Variants in ZDHHC2 observed in about 807,000 individuals in gnomAD.
The protein encoded by ZDHHC2 is zDHHC palmitoyltransferase 2.
Under a neutral mutation model 55.6 loss-of-function variants are expected in ZDHHC2, and 51 were observed. The observed-to-expected ratio is 0.92, with a 90% CI of 0.73 to 1.16. The LOEUF (loss-of-function observed/expected upper bound fraction) is 1.16. Among genes scored for constraint, ZDHHC2 ranks in the 50% most tolerant of loss-of-function variants. The probability of loss-of-function intolerance (pLI) is 0.00; values close to 1 mark genes in which losing one functional copy is unlikely to be tolerated. For synonymous variants in ZDHHC2, 199 were observed against 152.9 expected, an observed-to-expected ratio of 1.30 and a Z score of -2.22; for missense variants, 491 against 442.4, an observed-to-expected ratio of 1.11 and a Z score of -0.99.
intron 11 of ZDHHC2, among the ~76,000 whole-genome samples, chr8:17,216,244 G>A (rs190908454): frequency 1.7e-4 from 26 of 152,278 alleles, no homozygotes; most frequent in East Asian, 3.9e-4. Flanking sequence ...CAGGTAGTAC[G>A]AGAGTTTGAA....
chr8:17,185,351 T>C (rs1805655081), intron 2 of ZDHHC2, among the ~76,000 whole-genome samples: 1 of 152,134 alleles, frequency 6.6e-6, no homozygotes, highest in East Asian at 1.9e-4. Context: ...TATCACCATA[T>C]AGAAAATTAA....
At chr8:17,163,845 A>G (rs542667381) in intron 1 of ZDHHC2, among the ~76,000 whole-genome samples, 85 of 152,356 alleles carry the variant, frequency 5.6e-4, no homozygotes, top group African/African-American at 2.0e-3. Context: ...CTGTTATTAC[A>G]TATTACCATT....
intron 8 of ZDHHC2, among the ~76,000 whole-genome samples, chr8:17,208,817 G>A (rs1451151276): frequency 6.6e-6 from 1 of 152,036 alleles, no homozygotes; most frequent in African/African-American, 2.4e-5. Context: ...CAAATTTATT[G>A]TTTCTAGAGG....
chr8:17,164,109 G>T (rs1325358346), intron 1 of ZDHHC2, among the ~76,000 whole-genome samples: 11 of 152,138 alleles, frequency 7.2e-5, no homozygotes, highest in Admixed American at 7.2e-4. Context: ...AAAGAAACCA[G>T]ACATGATTGC....
chr8:17,191,596 T>C (rs982130495), intron 3 of ZDHHC2, among the ~76,000 whole-genome samples: 9 of 152,374 alleles, frequency 5.9e-5, no homozygotes, highest in Admixed American at 2.0e-4. Context: ...CTTATTTTAC[T>C]TAACATAATG....
chr8:17,217,240 T>C lies in ZDHHC2; in HGVS notation c.*28T>C, dbSNP rs760286888. On this transcript the variant is annotated 3_prime_UTR_variant, in exon 12 of 13. Transcript: ENST00000262096. ...CTTCAAGCAAGATAAATTCATACTT[T>C]ATAAAAGTACGATAATTTTCCCTTT... is the stretch of plus-strand genomic sequence containing the variant. The C allele has an allele frequency of 3.1e-6, 5 of 1,597,156 alleles. No individual in the cohort carries two copies. The Admixed American group carries it at 6.9e-5, about 22-fold the overall frequency.
At chr8:17,157,391 T>A (rs1014983411) in intron 1 of ZDHHC2, 1 of 152,810 alleles carries the variant, frequency 6.5e-6, no homozygotes, top group East Asian at 1.9e-4. Context: ...TTGGACACTT[T>A]TCTAGTTTAA....
intron 10 of ZDHHC2, among the ~76,000 whole-genome samples, chr8:17,213,682 G>C (rs1455322852): frequency 6.6e-6 from 1 of 152,132 alleles, no homozygotes; most frequent in Non-Finnish European, 1.5e-5. Flanking sequence ...TTATTAAAGT[G>C]ACAGGTGCTC....
chr8:17,184,944 C>G (rs1283498792), intron 2 of ZDHHC2, 129 bp downstream of exon 2: 5 of 760,674 alleles, frequency 6.6e-6, no homozygotes, highest in Admixed American at 3.1e-5. Flanking sequence ...TTAAAGATGT[C>G]TCATTTCTCT....
intron 6 of ZDHHC2, among the ~76,000 whole-genome samples, chr8:17,199,122 G>C (rs1435232737): frequency 6.6e-6 from 1 of 152,180 alleles, no homozygotes; most frequent in Non-Finnish European, 1.5e-5. Flanking sequence ...TGGCTCTACA[G>C]AAAGGTAGAC....
At chr8:17,162,619 G>A (rs1449300397) in intron 1 of ZDHHC2, among the ~76,000 whole-genome samples, 1 of 152,134 alleles carries the variant, frequency 6.6e-6, no homozygotes, top group African/African-American at 2.4e-5. Context: ...TCCCGCCACA[G>A]AAATGATTTA....
chr8:17,173,681 TAAAAAA>T (rs58195776), intron 1 of ZDHHC2, among the ~76,000 whole-genome samples: 4 of 143,404 alleles, frequency 2.8e-5, no homozygotes, highest in Middle Eastern at 7.1e-3. Context: ...GACCCTGTCT[TAAAAAA>T]AAAAAGAAAG....
chr8:17,163,056 C>G (rs1432155644), intron 1 of ZDHHC2, among the ~76,000 whole-genome samples: 1 of 152,256 alleles, frequency 6.6e-6, no homozygotes, highest in Non-Finnish European at 1.5e-5. Context: ...CACTTTTACT[C>G]TGTCCAGGGC....
At chr8:17,195,251 T>C (rs1364891028) in intron 3 of ZDHHC2, among the ~76,000 whole-genome samples, 1 of 152,180 alleles carries the variant, frequency 6.6e-6, no homozygotes, top group Non-Finnish European at 1.5e-5. Flanking sequence ...TCTGTTCCTT[T>C]TGAGTTACAC....
chr8:17,189,127 G>GTTTTTTTTTTTT (rs33942303), intron 3 of ZDHHC2, among the ~76,000 whole-genome samples: 2 of 83,766 alleles, frequency 2.4e-5, no homozygotes. Flanking sequence ...GTTTTGTTAT[G>GTTTTTTTTTTTT]TTTTTTTTTT....
At chr8:17,220,150 C>T (rs1269922861) in intron 12 of ZDHHC2, 106 bp from the exon 13 acceptor site, 1 of 152,072 alleles carries the variant, frequency 6.6e-6, no homozygotes, top group Non-Finnish European at 1.5e-5. Context: ...GCATAGTAAA[C>T]AGTTTTGAAT....
At position 17,195,608 on chromosome 8, in the gene ZDHHC2, C is replaced by G. The variant is rs550323002; in HGVS notation, c.357C>G (p.Thr119=). 6.2e-7 allele frequency: 1 copy of G among 1,613,840 alleles called. No individual in the cohort carries two copies. Among genetic ancestry groups the G allele is most frequent in the Non-Finnish European group, 8.5e-7 (1 of 1,179,788 alleles). Residue 119 remains threonine, a synonymous_variant, in exon 4 of 13, where the codon ACC becomes ACG. Transcript: ENST00000262096. ...CAGCCAAGGATCTTCCCATCTATAC[C>G]AGGACCATGTCTGGAGGTAAATGTT... is the stretch of plus-strand genomic sequence containing the variant. ...RRAAKDLPIY[T]RTMSGAIRYC...
At chr8:17,201,853 A>G (rs1806795903) in intron 6 of ZDHHC2, among the ~76,000 whole-genome samples, 1 of 151,956 alleles carries the variant, frequency 6.6e-6, no homozygotes, top group African/African-American at 2.4e-5. Context: ...CATATCTGTC[A>G]ACTTTGAATA....
intron 1 of ZDHHC2, among the ~76,000 whole-genome samples, chr8:17,165,803 G>C (rs1278661617): frequency 6.6e-6 from 1 of 152,194 alleles, no homozygotes; most frequent in Non-Finnish European, 1.5e-5. Context: ...AGTAGCCAGA[G>C]AAGGAGAAGA....
Sources: allele counts gnomAD v4.1 joint callset (sites outside exome capture counted in the v4.1 genomes callset), GRCh38; gene constraint gnomAD v4.1.1; transcripts MANE v1.5; gene names NCBI Gene and HGNC (gene_info 2026-07-23, HGNC 2026-07-21).